The following SLC41A2 variants were observed in gnomAD, a reference collection of about 807,000 sequenced individuals.
SLC41A2 encodes the protein SLC41A1-like 1.
Under a neutral mutation model 58.3 loss-of-function variants are expected in SLC41A2, and 32 were observed. That is an observed-to-expected ratio of 0.55 (90% CI 0.41 to 0.74). The LOEUF (loss-of-function observed/expected upper bound fraction) is 0.74. Ranked by LOEUF, SLC41A2 falls within the 30% of genes least tolerant of loss-of-function variation. SLC41A2 has a pLI of 0.00. For synonymous variants in SLC41A2, 190 were observed against 235.0 expected, an observed-to-expected ratio of 0.81 and a Z score of 1.75; for missense variants, 514 against 680.6, an observed-to-expected ratio of 0.76 and a Z score of 2.72.
At chr12:104,951,651 T>C (rs919139790) in intron 1 of SLC41A2, 1 of 152,042 alleles carries the variant, frequency 6.6e-6, no homozygotes, top group Non-Finnish European at 1.5e-5. Flanking sequence ...TAAATTCTTA[T>C]TTGTAAATTC....
chr12:104,927,567 G>A (rs1363227978), intron 2 of SLC41A2, among the ~76,000 whole-genome samples: 2 of 152,146 alleles, frequency 1.3e-5, no homozygotes, highest in Non-Finnish European at 2.9e-5. Flanking sequence ...GAGGAGGAGA[G>A]TTTTGATTCG....
intron 2 of SLC41A2, among the ~76,000 whole-genome samples, chr12:104,921,503 G>GAA (rs77935345): frequency 1.5e-5 from 2 of 134,010 alleles, no homozygotes; most frequent in African/African-American, 2.7e-5. Flanking sequence ...AATTTGAAAA[G>GAA]AAAAAAAAAA....
At chr12:104,921,853 A>G (rs1448903092) in intron 2 of SLC41A2, among the ~76,000 whole-genome samples, 3 of 152,256 alleles carry the variant, frequency 2.0e-5, no homozygotes, top group Admixed American at 6.5e-5. Context: ...GAAAATTGGA[A>G]TAACCAAAGG....
intron 6 of SLC41A2, among the ~76,000 whole-genome samples, chr12:104,877,879 A>G (rs2044132043): frequency 6.6e-6 from 1 of 151,930 alleles, no homozygotes; most frequent in African/African-American, 2.4e-5. Flanking sequence ...GTGTGCTTGT[A>G]GTAGCTGTAG....
At chr12:104,827,865 T>C (rs527961497) in intron 10 of SLC41A2, among the ~76,000 whole-genome samples, 25 of 152,216 alleles carry the variant, frequency 1.6e-4, no homozygotes, top group Non-Finnish European at 3.7e-4. Flanking sequence ...GGGATAATGA[T>C]ACAGAAGTGC....
chr12:104,867,358 C>T (rs983206841), intron 6 of SLC41A2, among the ~76,000 whole-genome samples: 5 of 151,966 alleles, frequency 3.3e-5, no homozygotes, highest in African/African-American at 1.2e-4. Context: ...GGCTTCTTCT[C>T]CATAACTCTA....
At chr12:104,853,743 GTA>G in intron 8 of SLC41A2, among the ~76,000 whole-genome samples, 1 of 148,214 alleles carries the variant, frequency 6.7e-6, no homozygotes, top group African/African-American at 2.6e-5. Flanking sequence ...ATGTATGTAT[GTA>G]TGTATGTATG....
At chr12:104,817,462 T>C (rs1324453402) in intron 10 of SLC41A2, among the ~76,000 whole-genome samples, 1 of 152,216 alleles carries the variant, frequency 6.6e-6, no homozygotes, top group Non-Finnish European at 1.5e-5. Flanking sequence ...ATTTTTTAAT[T>C]GTTTTTTACT....
intron 4 of SLC41A2, 28 bp from the exon 5 acceptor site, chr12:104,889,205 A>ACT: frequency 6.3e-7 from 1 of 1,589,878 alleles, no homozygotes. Context: ...AATCCAACTG[A>ACT]ATTATTCACT....
chr12:104,841,516 G>A (rs982843949), intron 10 of SLC41A2, among the ~76,000 whole-genome samples: 7 of 152,002 alleles, frequency 4.6e-5, no homozygotes, highest in Non-Finnish European at 1.5e-5. Flanking sequence ...TTCTAGAATG[G>A]ATGAGACAGA....
intron 8 of SLC41A2, among the ~76,000 whole-genome samples, chr12:104,853,929 T>TA (rs2042919936): frequency 1.4e-5 from 2 of 138,162 alleles, no homozygotes; most frequent in African/African-American, 5.4e-5. Flanking sequence ...TTTTTTTTTT[T>TA]TTTTTTTTTT....
At chr12:104,874,871 C>T (rs1462238737) in intron 6 of SLC41A2, among the ~76,000 whole-genome samples, 2 of 152,058 alleles carry the variant, frequency 1.3e-5, no homozygotes, top group African/African-American at 4.8e-5. Context: ...TTTTCTATTT[C>T]TGTGAAGAAT....
intron 10 of SLC41A2, among the ~76,000 whole-genome samples, chr12:104,816,512 G>A (rs2041410838): frequency 6.6e-6 from 1 of 152,170 alleles, no homozygotes; most frequent in Admixed American, 6.5e-5. Context: ...GGGACATGGA[G>A]GCATCCTCTG....
chr12:104,829,459 G>A (rs2041966866), intron 10 of SLC41A2, among the ~76,000 whole-genome samples: 1 of 152,166 alleles, frequency 6.6e-6, no homozygotes, highest in Admixed American at 6.5e-5. Flanking sequence ...TAGTGACAGA[G>A]AAGAAACCAG....
chr12:104,943,841 T>A (rs555939838), intron 1 of SLC41A2, among the ~76,000 whole-genome samples: 1 of 151,986 alleles, frequency 6.6e-6, no homozygotes, highest in Non-Finnish European at 1.5e-5. Flanking sequence ...AACAATCAGG[T>A]AGTAAAGAGA....
In SLC41A2 at chr12:104,804,227, C is replaced by CA. The variant is rs2040812936; in HGVS notation, c.*924dup. On this transcript the variant is annotated 3_prime_UTR_variant, in exon 11 of 11. Transcript: ENST00000258538. ...GCAGCAAAATTTTTGGACCCAATGA[C>CA]AAAAACATGTTAATAGAATGTGTTT... 1.4e-5 allele frequency: 2 copies of CA among 142,150 alleles called. No individual in the cohort carries two copies. The highest frequency in any genetic ancestry group is 2.2e-4 in the South Asian group (1 of 4,446). The allele number at this position is 142,150 out of a possible 1,614,324, so 8.8% of individuals were successfully genotyped here. A position where few individuals can be genotyped will look rare whatever the true frequency, so the allele number is the denominator to read the frequency against.
intron 6 of SLC41A2, among the ~76,000 whole-genome samples, chr12:104,873,203 G>C (rs917494705): frequency 6.7e-6 from 1 of 150,222 alleles, no homozygotes; most frequent in Non-Finnish European, 1.5e-5. Flanking sequence ...CCCATCCCCC[G>C]TAACTACCAT....
chr12:104,843,179 C>T (rs548126168), intron 10 of SLC41A2, among the ~76,000 whole-genome samples: 244 of 152,082 alleles, frequency 1.6e-3, no homozygotes, highest in Non-Finnish European at 2.6e-3. Flanking sequence ...AAACTCAGTA[C>T]TTACATTATA....
intron 10 of SLC41A2, among the ~76,000 whole-genome samples, chr12:104,816,740 C>T (rs912836463): frequency 6.6e-6 from 1 of 152,192 alleles, no homozygotes; most frequent in African/African-American, 2.4e-5. Flanking sequence ...TTTACAACCA[C>T]AATGTGACCC....
Sources: gnomAD v4.1 joint callset for allele counts (sites outside exome capture counted in the v4.1 genomes callset) on GRCh38, gnomAD v4.1.1 for gene constraint, MANE v1.5 for transcripts, NCBI Gene and HGNC (gene_info 2026-07-23, HGNC 2026-07-21) for gene names.